Variants in ZDHHC14 observed in about 807,000 individuals in gnomAD.
ZDHHC14 encodes zDHHC palmitoyltransferase 14, also known as palmitoyltransferase ZDHHC14.
A neutral mutation model predicts 47.7 loss-of-function variants in ZDHHC14; 16 were observed. The ratio of observed to expected loss-of-function variants is 0.34; its 90% CI spans 0.23 to 0.51. The LOEUF (loss-of-function observed/expected upper bound fraction) is 0.51. Ranked by LOEUF, ZDHHC14 falls within the 20% of genes least tolerant of loss-of-function variation. The pLI, the probability that ZDHHC14 is intolerant of heterozygous loss-of-function variation, is 0.97. For missense variants in ZDHHC14, 515 were observed against 662.5 expected (o/e 0.78, Z 2.44); for synonymous variants, 293 against 278.9 (o/e 1.05, Z -0.50).
rs1310623796 is a variant in ZDHHC14 at position 157,647,281 on chromosome 6, A to G, written c.878A>G (p.Lys293Arg). The part of the protein sequence containing the change: ...NEDIKGSWSN[K>R]RGKENYNPYS... ...CAGATTAAAGGATCCTGGTCAAATA[A>G]AAGAGGTAAAGAAAATTACAATCCC... The change falls in exon 7 of 9, where the codon AAA becomes AGA. Residue 293 changes from lysine (K) to arginine (R), a missense_variant. By Grantham distance (26) the Lys-to-Arg change is conservative. Coordinates refer to ENST00000359775, the MANE Select transcript of ZDHHC14 (RefSeq NM_024630.3). 6.2e-7 allele frequency: 1 copy of G among 1,614,086 alleles called. No homozygotes were observed.
At chr6:157,633,635 C>T (rs568614191) in intron 5 of ZDHHC14, among the ~76,000 whole-genome samples, 74 of 152,244 alleles carry the variant, frequency 4.9e-4, no homozygotes, top group African/African-American at 1.6e-3. Flanking sequence ...CTTCTCATTA[C>T]TCTTCAGAGT....
intron 1 of ZDHHC14, among the ~76,000 whole-genome samples, chr6:157,489,079 T>C (rs1338307023): frequency 6.6e-6 from 1 of 152,234 alleles, no homozygotes; most frequent in African/African-American, 2.4e-5. Flanking sequence ...CATCAGCAGA[T>C]CTGTCTGGAA....
chr6:157,479,527 C>T (rs1475250315), intron 1 of ZDHHC14, among the ~76,000 whole-genome samples: 1 of 152,218 alleles, frequency 6.6e-6, no homozygotes, highest in Non-Finnish European at 1.5e-5. Context: ...CCTGCCCTTT[C>T]TGAAGTGCCC....
intron 1 of ZDHHC14, among the ~76,000 whole-genome samples, chr6:157,403,885 C>T (rs1554255823): frequency 6.6e-6 from 1 of 152,230 alleles, no homozygotes; most frequent in Non-Finnish European, 1.5e-5. Context: ...GCGGCTGCTG[C>T]TAAACCAACA....
intron 3 of ZDHHC14, among the ~76,000 whole-genome samples, chr6:157,625,552 G>T (rs1335976980): frequency 6.6e-6 from 1 of 152,178 alleles, no homozygotes; most frequent in Non-Finnish European, 1.5e-5. Context: ...ATCATCAGAT[G>T]TTGGGCAGAG....
intron 1 of ZDHHC14, among the ~76,000 whole-genome samples, chr6:157,532,518 C>T (rs1209320122): frequency 2.0e-5 from 3 of 152,272 alleles, no homozygotes; most frequent in Non-Finnish European, 4.4e-5. Flanking sequence ...TCTGAGATTC[C>T]GGATCTCCAG....
chr6:157,411,394 T>C (rs1777866872), intron 1 of ZDHHC14, among the ~76,000 whole-genome samples: 1 of 152,100 alleles, frequency 6.6e-6, no homozygotes, highest in African/African-American at 2.4e-5. Context: ...CAGAAATGCA[T>C]CTCGATAAAT....
chr6:157,400,757 TAGC>T (rs1295541672), intron 1 of ZDHHC14, among the ~76,000 whole-genome samples: 1 of 152,108 alleles, frequency 6.6e-6, no homozygotes, highest in Non-Finnish European at 1.5e-5. Context: ...GAAATGCAAA[TAGC>T]AGACGCCTTC....
At chr6:157,387,943 C>G (rs1018309123) in intron 1 of ZDHHC14, among the ~76,000 whole-genome samples, 4 of 152,210 alleles carry the variant, frequency 2.6e-5, no homozygotes, top group African/African-American at 9.6e-5. Context: ...TCTTGTAGAA[C>G]ACATTTGCCT....
intron 8 of ZDHHC14, among the ~76,000 whole-genome samples, chr6:157,669,718 T>C (rs1183544902): frequency 6.6e-6 from 1 of 152,236 alleles, no homozygotes; most frequent in Non-Finnish European, 1.5e-5. Flanking sequence ...AGCATTAGGA[T>C]GAGTGAGGGC....
intron 1 of ZDHHC14, among the ~76,000 whole-genome samples, chr6:157,540,531 A>G (rs1420137556): frequency 6.6e-6 from 1 of 152,180 alleles, no homozygotes; most frequent in Non-Finnish European, 1.5e-5. Flanking sequence ...GAGAAGCTCC[A>G]TAGAGTTAAA....
At chr6:157,616,326 C>A (rs550621683) in intron 3 of ZDHHC14, among the ~76,000 whole-genome samples, 20 of 152,160 alleles carry the variant, frequency 1.3e-4, no homozygotes, top group Non-Finnish European at 2.6e-4. Flanking sequence ...TAAATGGGTT[C>A]CCCATGGGGG....
intron 1 of ZDHHC14, among the ~76,000 whole-genome samples, chr6:157,401,743 C>CTAA: frequency 8.2e-6 from 1 of 122,524 alleles, no homozygotes; most frequent in East Asian, 2.5e-4. Context: ...CTGAGGTCAC[C>CTAA]CTGCAGTAGT....
chr6:157,514,827 C>A lies in ZDHHC14; in HGVS notation c.246-27758C>A, dbSNP rs142060948. ...GCACAAAAACCAAGCCAACAAGGAA[C>A]CCATTCCAGGAGTATGGGGGTGCTT... On this transcript the variant is annotated intron_variant, in intron 1 of 8. Coordinates refer to ENST00000359775, the MANE Select transcript of ZDHHC14 (RefSeq NM_024630.3). Among the ~76,000 whole-genome samples the A allele has an allele frequency of 7.5e-4, 114 of 152,228 alleles. 1 individual carries two copies. The East Asian group carries it at 0.019, about 25-fold the overall frequency.
intron 1 of ZDHHC14, among the ~76,000 whole-genome samples, chr6:157,396,027 T>C (rs1777514646): frequency 6.6e-6 from 1 of 152,070 alleles, no homozygotes; most frequent in South Asian, 2.1e-4. Context: ...TTTACCTGCT[T>C]GTCCCTTCAT....
chr6:157,396,475 C>CTATATATGGTCTATTTGTCTATATA (rs1777524315), intron 1 of ZDHHC14, among the ~76,000 whole-genome samples: 1 of 152,184 alleles, frequency 6.6e-6, no homozygotes, highest in South Asian at 2.1e-4. Context: ...AATTCTGCAG[C>CTATATATGGTCTATTTGTCTATATA]TATATATGGT....
At chr6:157,456,628 T>C (rs1384920921) in intron 1 of ZDHHC14, among the ~76,000 whole-genome samples, 1 of 152,158 alleles carries the variant, frequency 6.6e-6, no homozygotes, top group Non-Finnish European at 1.5e-5. Context: ...AGAGAGCAGG[T>C]GTGGGCAGAG....
chr6:157,562,907 G>T (rs1429943958), intron 2 of ZDHHC14, among the ~76,000 whole-genome samples: 1 of 152,044 alleles, frequency 6.6e-6, no homozygotes, highest in African/African-American at 2.4e-5. Context: ...CTGTGCCCAG[G>T]TCAAGGAAGA....
At chr6:157,509,856 G>A (rs772948836) in intron 1 of ZDHHC14, among the ~76,000 whole-genome samples, 2 of 152,340 alleles carry the variant, frequency 1.3e-5, no homozygotes, top group East Asian at 1.9e-4. Context: ...GCAGGACTTC[G>A]AATTGACAGG....
Sources: allele counts gnomAD v4.1 joint callset (sites outside exome capture counted in the v4.1 genomes callset), GRCh38; gene constraint gnomAD v4.1.1; transcripts MANE v1.5; gene names NCBI Gene and HGNC (gene_info 2026-07-23, HGNC 2026-07-21).